Variants in NSMCE2 observed in about 807,000 individuals in gnomAD.
NSMCE2 encodes the protein E3 SUMO-protein ligase NSE2.
A neutral mutation model predicts 23.8 loss-of-function variants in NSMCE2; 24 were observed. The observed-to-expected ratio is 1.01, with a 90% CI of 0.73 to 1.42. The LOEUF is 1.42. NSMCE2 is among the 40% of genes most tolerant of loss of function. The probability of loss-of-function intolerance (pLI) is 0.00; values close to 1 mark genes in which losing one functional copy is unlikely to be tolerated. For missense variants in NSMCE2, 284 were observed against 296.5 expected (o/e 0.96, Z 0.31); for synonymous variants, 92 against 94.1 (o/e 0.98, Z 0.13).
At chr8:125,189,914 TCAAA>T (rs909684409) in intron 5 of NSMCE2, among the ~76,000 whole-genome samples, 12 of 152,220 alleles carry the variant, frequency 7.9e-5, no homozygotes, top group Non-Finnish European at 1.2e-4. Context: ...CTTAGAACAT[TCAAA>T]CAAATTGATG....
intron 5 of NSMCE2, among the ~76,000 whole-genome samples, chr8:125,214,685 A>G (rs1051247303): frequency 6.6e-6 from 1 of 152,054 alleles, no homozygotes; most frequent in Non-Finnish European, 1.5e-5. Flanking sequence ...CTATTTTCCT[A>G]TTTTTAATAT....
chr8:125,333,696 G>A (rs62521001), intron 5 of NSMCE2, among the ~76,000 whole-genome samples: 2,126 of 151,188 alleles, frequency 0.014, 22 homozygotes, highest in Non-Finnish European at 0.024. Context: ...TGTAGTTTTA[G>A]TAGAGACGGG....
chr8:125,242,748 G>A (rs1164725338), intron 5 of NSMCE2, among the ~76,000 whole-genome samples: 1 of 152,100 alleles, frequency 6.6e-6, no homozygotes, highest in South Asian at 2.1e-4. Context: ...AATTACATAG[G>A]TACTAGAGAA....
intron 5 of NSMCE2, among the ~76,000 whole-genome samples, chr8:125,311,500 C>T (rs983978569): frequency 2.6e-5 from 4 of 152,206 alleles, no homozygotes; most frequent in African/African-American, 9.6e-5. Flanking sequence ...ATAAAATTGT[C>T]AGCGTGAGTA....
intron 5 of NSMCE2, among the ~76,000 whole-genome samples, chr8:125,212,873 A>G (rs1235204052): frequency 6.6e-6 from 1 of 152,128 alleles, no homozygotes; most frequent in Non-Finnish European, 1.5e-5. Flanking sequence ...AGGAAAGTGT[A>G]CCTTTTTCTG....
intron 5 of NSMCE2, among the ~76,000 whole-genome samples, chr8:125,281,183 C>T (rs1827678256): frequency 6.6e-6 from 1 of 152,248 alleles, no homozygotes; most frequent in African/African-American, 2.4e-5. Context: ...CTTTTCCCAA[C>T]TGTGCAGAAC....
intron 3 of NSMCE2, among the ~76,000 whole-genome samples, chr8:125,120,336 G>A (rs562831035): frequency 6.6e-6 from 1 of 152,188 alleles, no homozygotes; most frequent in South Asian, 2.1e-4. Context: ...AATCAAACCA[G>A]TCGGTAAAAC....
At chr8:125,132,970 C>T (rs761483163) in intron 3 of NSMCE2, among the ~76,000 whole-genome samples, 4 of 152,186 alleles carry the variant, frequency 2.6e-5, no homozygotes, top group African/African-American at 4.8e-5. Context: ...AGTAAGGAAA[C>T]TGAGCACCAG....
intron 4 of NSMCE2, among the ~76,000 whole-genome samples, chr8:125,170,290 A>G (rs1425884196): frequency 2.0e-5 from 3 of 148,388 alleles, no homozygotes; most frequent in Non-Finnish European, 4.5e-5. Context: ...TCCATTTTTA[A>G]TTAGACCAAA....
chr8:125,125,445 A>G (rs1460811903), intron 3 of NSMCE2, among the ~76,000 whole-genome samples: 1 of 152,214 alleles, frequency 6.6e-6, no homozygotes, highest in Non-Finnish European at 1.5e-5. Flanking sequence ...CTGAGAGGCA[A>G]TTAATTGATA....
chr8:125,112,570 T>A (rs899794500), intron 3 of NSMCE2, among the ~76,000 whole-genome samples: 2 of 151,546 alleles, frequency 1.3e-5, no homozygotes, highest in Non-Finnish European at 2.9e-5. Context: ...AAAAAAAAAA[T>A]GAAATACTGT....
chr8:125,256,677 G>C (rs1362154764), intron 5 of NSMCE2, among the ~76,000 whole-genome samples: 1 of 152,108 alleles, frequency 6.6e-6, no homozygotes, highest in East Asian at 1.9e-4. Flanking sequence ...TGTAATCCCA[G>C]CACTTTGGGA....
At chr8:125,151,780 C>T (rs1321103728) in intron 4 of NSMCE2, among the ~76,000 whole-genome samples, 6 of 152,156 alleles carry the variant, frequency 3.9e-5, no homozygotes. Flanking sequence ...TTGACTCCAG[C>T]TGTCACAGGA....
intron 3 of NSMCE2, among the ~76,000 whole-genome samples, chr8:125,147,509 T>C (rs560013384): frequency 3.1e-4 from 47 of 152,114 alleles, no homozygotes; most frequent in Non-Finnish European, 6.5e-4. Flanking sequence ...CAAGAGTGTA[T>C]GTGTTAAGGC....
At chr8:125,177,970 A>G (rs1297201455) in intron 4 of NSMCE2, among the ~76,000 whole-genome samples, 1 of 152,126 alleles carries the variant, frequency 6.6e-6, no homozygotes, top group Non-Finnish European at 1.5e-5. Flanking sequence ...TCCACATTAA[A>G]TATCTTGGAG....
intron 5 of NSMCE2, among the ~76,000 whole-genome samples, chr8:125,347,543 A>G (rs1265427947): frequency 6.6e-6 from 1 of 152,224 alleles, no homozygotes; most frequent in Non-Finnish European, 1.5e-5. Context: ...GGTGTAGTGC[A>G]TGGCACAGAG....
intron 5 of NSMCE2, among the ~76,000 whole-genome samples, chr8:125,222,468 C>G (rs755584359): frequency 6.6e-6 from 1 of 152,170 alleles, no homozygotes. Context: ...ACTTACTCCT[C>G]CCGTCTAACT....
intron 7 of NSMCE2, among the ~76,000 whole-genome samples, chr8:125,362,050 G>T (rs936674044): frequency 9.9e-5 from 15 of 152,206 alleles, no homozygotes; most frequent in African/African-American, 3.4e-4. Flanking sequence ...TTTGCCCTGT[G>T]CTGCAGCGAA....
rs145596983 is a variant in NSMCE2, at chr8:125,093,036, G to A, written c.-111+1078G>A. On this transcript the variant is annotated intron_variant, in intron 1 of 7. Coordinates refer to ENST00000287437, the MANE Select transcript of NSMCE2 (RefSeq NM_173685.4). ...GAGGGGTAAAATCCTTCTTGGTTGA[G>A]AACCACTTAAACCAAGCCATGAAAG... Among the ~76,000 whole-genome samples the A allele has an allele frequency of 6.9e-3, 1,049 of 152,284 alleles. 6 individuals are homozygous for A. Among genetic ancestry groups the A allele is most frequent in the South Asian group, 0.03 (145 of 4,830 alleles).
Sources: allele counts gnomAD v4.1 joint callset (sites outside exome capture counted in the v4.1 genomes callset), GRCh38; gene constraint gnomAD v4.1.1; transcripts MANE v1.5; gene names NCBI Gene and HGNC (gene_info 2026-07-23, HGNC 2026-07-21).